The following GPC6 variants were observed in gnomAD, a reference collection of about 807,000 sequenced individuals.
GPC6 encodes the protein glypican-6.
In GPC6, 14 loss-of-function variants were observed where a neutral mutation model predicts 55.2. The ratio of observed to expected loss-of-function variants is 0.25; its 90% CI spans 0.17 to 0.40. GPC6 has a LOEUF of 0.40. Ranked by LOEUF, GPC6 falls within the 10% of genes least tolerant of loss-of-function variation. The pLI is 1.00. For missense variants in GPC6, 641 were observed against 708.5 expected, an observed-to-expected ratio of 0.90 and a Z score of 1.08; for synonymous variants, 278 against 259.6, an observed-to-expected ratio of 1.07 and a Z score of -0.68.
intron 4 of GPC6, among the ~76,000 whole-genome samples, chr13:94,098,872 A>G (rs989654432): frequency 6.6e-6 from 1 of 152,152 alleles, no homozygotes; most frequent in Non-Finnish European, 1.5e-5. Flanking sequence ...TTGGGATTAC[A>G]TCTGCAATTT....
intron 1 of GPC6, among the ~76,000 whole-genome samples, chr13:93,393,374 G>A (rs12859238): frequency 0.038 from 5,753 of 151,938 alleles, 167 homozygotes; most frequent in Non-Finnish European, 0.057. Context: ...TCCTGATCTC[G>A]TGATCGTGAT....
At chr13:93,578,823 G>A (rs1876798103) in intron 2 of GPC6, among the ~76,000 whole-genome samples, 1 of 151,376 alleles carries the variant, frequency 6.6e-6, no homozygotes, top group African/African-American at 2.4e-5. Context: ...TGTGTTTATT[G>A]TTATAAACTT....
At position 93,754,788 on chromosome 13, in the gene GPC6, T is replaced by C. The variant is rs189840742; in HGVS notation, c.320-75366T>C. On this transcript the variant is annotated intron_variant, in intron 2 of 8. Transcript: ENST00000377047. ...GCATTCCTATTTAGATTCTGTTCCC[T>C]GATTTAAGTTAATGTTAGTAACCTT... 2.0e-3 allele frequency among the ~76,000 whole-genome samples: 309 copies of C among 152,234 alleles called. 1 individual carries two copies. Among genetic ancestry groups the C allele is most frequent in the Non-Finnish European group, 3.5e-3 (236 of 68,018 alleles).
intron 4 of GPC6, among the ~76,000 whole-genome samples, chr13:94,042,954 A>G (rs1418878423): frequency 1.3e-5 from 2 of 151,796 alleles, no homozygotes; most frequent in East Asian, 1.9e-4. Flanking sequence ...GTATGAGCTC[A>G]TGGTCATTCG....
At chr13:93,987,700 A>G (rs906959928) in intron 3 of GPC6, among the ~76,000 whole-genome samples, 2 of 152,164 alleles carry the variant, frequency 1.3e-5, no homozygotes, top group Non-Finnish European at 2.9e-5. Flanking sequence ...TTTGGAGCTT[A>G]GACACTGTGA....
At chr13:94,097,033 G>A (rs1885684813) in intron 4 of GPC6, among the ~76,000 whole-genome samples, 1 of 151,594 alleles carries the variant, frequency 6.6e-6, no homozygotes, top group Non-Finnish European at 1.5e-5. Flanking sequence ...CACCTATTAT[G>A]ATAAATAGGT....
At chr13:93,406,489 G>T (rs1419776228) in intron 1 of GPC6, among the ~76,000 whole-genome samples, 1 of 152,046 alleles carries the variant, frequency 6.6e-6, no homozygotes, top group East Asian at 1.9e-4. Flanking sequence ...CATTTATTAG[G>T]TTATATTAGA....
At chr13:94,325,175 G>A (rs1024463296) in intron 6 of GPC6, among the ~76,000 whole-genome samples, 6 of 149,288 alleles carry the variant, frequency 4.0e-5, no homozygotes, top group East Asian at 1.9e-4. Context: ...GAGAAAGGAG[G>A]AAGAGGAGAA....
intron 2 of GPC6, among the ~76,000 whole-genome samples, chr13:93,711,272 A>G (rs1237713155): frequency 6.6e-6 from 1 of 151,768 alleles, no homozygotes; most frequent in African/African-American, 2.4e-5. Flanking sequence ...AGACCTCACA[A>G]TCATGGTGGA....
intron 6 of GPC6, among the ~76,000 whole-genome samples, chr13:94,377,191 T>C (rs1426880482): frequency 6.6e-6 from 1 of 151,772 alleles, no homozygotes; most frequent in Non-Finnish European, 1.5e-5. Flanking sequence ...AAAGACACAA[T>C]TGACAAATGG....
At chr13:93,320,788 C>G (rs974686489) in intron 1 of GPC6, among the ~76,000 whole-genome samples, 19 of 152,070 alleles carry the variant, frequency 1.2e-4, no homozygotes, top group Non-Finnish European at 2.2e-4. Flanking sequence ...ACTTTCTTTT[C>G]TGTTCAACTA....
chr13:93,737,418 G>A (rs1363679215), intron 2 of GPC6, among the ~76,000 whole-genome samples: 2 of 152,038 alleles, frequency 1.3e-5, no homozygotes, highest in Admixed American at 6.6e-5. Context: ...GTTCTCAAAG[G>A]TACTTCAATT....
intron 4 of GPC6, among the ~76,000 whole-genome samples, chr13:94,149,805 G>A (rs1887676328): frequency 6.6e-6 from 1 of 151,918 alleles, no homozygotes; most frequent in East Asian, 1.9e-4. Flanking sequence ...CCCCCTCCCA[G>A]TGTACCTTGT....
At chr13:93,837,677 T>A (rs1250864098) in intron 3 of GPC6, among the ~76,000 whole-genome samples, 2 of 152,200 alleles carry the variant, frequency 1.3e-5, no homozygotes, top group Non-Finnish European at 2.9e-5. Flanking sequence ...TATTCATTTA[T>A]GTATATGAAC....
chr13:94,056,010 G>A (rs1214460857), intron 4 of GPC6, among the ~76,000 whole-genome samples: 2 of 152,100 alleles, frequency 1.3e-5, no homozygotes, highest in Non-Finnish European at 2.9e-5. Context: ...CTCAGCCAAG[G>A]CCCAGCCCCT....
chr13:94,281,357 C>T (rs1892376496), intron 4 of GPC6, among the ~76,000 whole-genome samples: 1 of 152,126 alleles, frequency 6.6e-6, no homozygotes, highest in Admixed American at 6.5e-5. Flanking sequence ...TTCCCTCTCA[C>T]TCCCCAACAG....
At chr13:93,493,877 G>C (rs1249483800) in intron 1 of GPC6, among the ~76,000 whole-genome samples, 3 of 114,608 alleles carry the variant, frequency 2.6e-5, no homozygotes, top group Admixed American at 2.6e-4. Flanking sequence ...ATTGCACTGT[G>C]GTCTGAGAGA....
intron 2 of GPC6, among the ~76,000 whole-genome samples, chr13:93,809,518 C>T (rs947942972): frequency 3.3e-5 from 5 of 152,150 alleles, no homozygotes; most frequent in African/African-American, 9.7e-5. Context: ...ACCCTTCCTC[C>T]CTAAATGAGG....
chr13:94,132,971 G>A (rs890916717), intron 4 of GPC6, among the ~76,000 whole-genome samples: 3 of 151,902 alleles, frequency 2.0e-5, no homozygotes, highest in East Asian at 3.9e-4. Context: ...TTGTTTTTTA[G>A]GTTTTATCAG....
Sources: gnomAD v4.1 joint callset for allele counts (sites outside exome capture counted in the v4.1 genomes callset) on GRCh38, gnomAD v4.1.1 for gene constraint, MANE v1.5 for transcripts, NCBI Gene and HGNC (gene_info 2026-07-23, HGNC 2026-07-21) for gene names.